ERAP1: variants seen among roughly 807,000 people sequenced by gnomAD.
ERAP1 encodes the protein endoplasmic reticulum aminopeptidase 1, also known as adipocyte-derived leucine aminopeptidase.
ERAP1 carries 86 observed loss-of-function variants against 103.7 expected under a neutral mutation model. That is an observed-to-expected ratio of 0.83 (90% CI 0.70 to 0.99). The LOEUF is 0.99. Among genes scored for constraint, ERAP1 ranks in the 50% least tolerant of loss-of-function variants. The pLI is 0.00. For synonymous variants in ERAP1, 398 were observed against 402.4 expected (o/e 0.99, Z 0.13); for missense variants, 1,009 against 1,128.4 (o/e 0.89, Z 1.52).
chr5:96,786,400 A>G (rs1415930426), intron 12 of ERAP1, 70 bp downstream of exon 12: 8 of 1,063,568 alleles, frequency 7.5e-6, no homozygotes, highest in Non-Finnish European at 8.7e-6. Flanking sequence ...TAGCAAAAGA[A>G]ACAGCACTTT....
At chr5:96,789,861 T>C (rs1776526145) in intron 10 of ERAP1, among the ~76,000 whole-genome samples, 1 of 152,242 alleles carries the variant, frequency 6.6e-6, no homozygotes, top group Non-Finnish European at 1.5e-5. Context: ...AGGTTTATTA[T>C]GAAGAGTAAA....
At chr5:96,907,158 C>G in the ERAP1 span, among the ~76,000 whole-genome samples, 8 of 152,138 alleles carry the variant, frequency 5.3e-5, no homozygotes, top group Non-Finnish European at 1.2e-4. Flanking sequence ...TACTGTTGAG[C>G]TAAGGTTTAT....
At chr5:96,910,661 A>G in the ERAP1 span, among the ~76,000 whole-genome samples, 2 of 152,244 alleles carry the variant, frequency 1.3e-5, no homozygotes, top group African/African-American at 2.4e-5. Flanking sequence ...AGTGTTCAAC[A>G]TGTTGAATAT....
At chr5:96,781,969 G>T in intron 15 of ERAP1, 115 bp from the exon 16 acceptor site, 1 of 1,012,634 alleles carries the variant, frequency 9.9e-7, no homozygotes, top group Non-Finnish European at 1.5e-6. Context: ...AAGCATGCCT[G>T]GAAATATAAA....
the ERAP1 span, among the ~76,000 whole-genome samples, chr5:96,906,370 G>C: frequency 2.6e-3 from 396 of 151,918 alleles, 2 homozygotes; most frequent in Non-Finnish European, 7.2e-4. Context: ...GGGCTCAAGC[G>C]ATCCTCCCAC....
chr5:96,896,771 G>A, the ERAP1 span: 3 of 1,492,846 alleles, frequency 2.0e-6, no homozygotes, highest in African/African-American at 3.3e-5. Context: ...TTTTCTGGGT[G>A]AGGAGAAATT....
chr5:96,882,068 C>G, the ERAP1 span, among the ~76,000 whole-genome samples: 8 of 152,264 alleles, frequency 5.3e-5, no homozygotes, highest in East Asian at 1.5e-3. Flanking sequence ...AGCCATCCAC[C>G]TAGGACAACT....
the ERAP1 span, among the ~76,000 whole-genome samples, chr5:96,870,499 T>C: frequency 6.6e-6 from 1 of 152,176 alleles, no homozygotes; most frequent in South Asian, 2.1e-4. Flanking sequence ...TCTTAGAACA[T>C]TTAAACCAAA....
chr5:96,795,676 C>T (rs1022752867), intron 4 of ERAP1, among the ~76,000 whole-genome samples: 3 of 152,228 alleles, frequency 2.0e-5, no homozygotes, highest in Non-Finnish European at 4.4e-5. Context: ...GAAATAACTA[C>T]CCTTTCTCAA....
chr5:96,834,137 T>C, the ERAP1 span, among the ~76,000 whole-genome samples: 22 of 152,234 alleles, frequency 1.4e-4, 1 homozygote, highest in African/African-American at 5.3e-4. Flanking sequence ...CCTCAGTAAT[T>C]CAGTGACTTC....
At chr5:96,901,553 A>G in the ERAP1 span, 2 of 1,614,068 alleles carry the variant, frequency 1.2e-6, no homozygotes, top group Non-Finnish European at 1.7e-6. Context: ...TGATGACTAC[A>G]TGGACTCTCC....
the ERAP1 span, among the ~76,000 whole-genome samples, chr5:96,819,614 C>T: frequency 2.0e-5 from 3 of 152,138 alleles, no homozygotes; most frequent in Non-Finnish European, 4.4e-5. Flanking sequence ...ACTTGTTATA[C>T]CGTAAGTTTG....
the ERAP1 span, chr5:96,848,641 A>T: frequency 6.6e-6 from 1 of 152,222 alleles, no homozygotes; most frequent in African/African-American, 2.4e-5. Context: ...CAGTAATTGA[A>T]AAGTTTCCCA....
At chr5:96,886,093 C>T in the ERAP1 span, among the ~76,000 whole-genome samples, 2 of 152,206 alleles carry the variant, frequency 1.3e-5, no homozygotes, top group Non-Finnish European at 2.9e-5. Context: ...TTGGTCCTAC[C>T]GTGGAACTAG....
chr5:96,767,754 A>G lies in ERAP1; in HGVS notation c.2819-4526T>C, dbSNP rs570956930. Reference sequence around the variant, plus strand: ...GCCATCAAGATTTTCTTGTTTTTCTATCTCCTTTACAATACATTATTATTA... The same window carrying G: ...GCCATCAAGATTTTCTTGTTTTTCTGTCTCCTTTACAATACATTATTATTA... On this transcript the variant is annotated intron_variant, in intron 19 of 19. Transcript: ENST00000296754. Among the ~76,000 whole-genome samples the G allele has an allele frequency of 3.3e-5, 5 of 152,298 alleles. No individual in the cohort carries two copies. In the East Asian group the frequency reaches 7.7e-4, roughly 24 times the overall value.
chr5:96,836,326 C>T, the ERAP1 span, among the ~76,000 whole-genome samples: 11 of 152,132 alleles, frequency 7.2e-5, no homozygotes, highest in South Asian at 2.3e-3. Context: ...CTCAGCCTCC[C>T]AAGTAGCTGG....
the ERAP1 span, among the ~76,000 whole-genome samples, chr5:96,891,536 A>AT: frequency 5.0e-5 from 1 of 20,120 alleles, no homozygotes; most frequent in Non-Finnish European, 9.1e-5. Flanking sequence ...CGGTATATAT[A>AT]CACACACACA....
chr5:96,903,601 T>C, the ERAP1 span: 9 of 1,529,204 alleles, frequency 5.9e-6, no homozygotes, highest in East Asian at 1.6e-4. Context: ...AAATAACTGA[T>C]TCGTAACCAG....
chr5:96,933,184 A>G, the ERAP1 span, among the ~76,000 whole-genome samples: 14 of 116,496 alleles, frequency 1.2e-4, no homozygotes, highest in Admixed American at 6.5e-4. Flanking sequence ...TTTGTTTACT[A>G]TTTTTACTTC....
Sources: gnomAD v4.1 joint callset for allele counts (sites outside exome capture counted in the v4.1 genomes callset) on GRCh38, gnomAD v4.1.1 for gene constraint, MANE v1.5 for transcripts, NCBI Gene and HGNC (gene_info 2026-07-23, HGNC 2026-07-21) for gene names.